The following MGMT variants were observed in gnomAD, a reference collection of about 807,000 sequenced individuals.
The protein encoded by MGMT is methylated-DNA--protein-cysteine methyltransferase.
Under a neutral mutation model 15.9 loss-of-function variants are expected in MGMT, and 14 were observed. That is an observed-to-expected ratio of 0.88 (90% CI 0.58 to 1.37). The LOEUF (loss-of-function observed/expected upper bound fraction) is 1.37. Ranked by LOEUF, MGMT falls within the 40% of genes most tolerant of loss-of-function variation. MGMT has a pLI of 0.00. For synonymous variants in MGMT, 130 were observed against 118.2 expected (o/e 1.10, Z -0.65); for missense variants, 282 against 268.1 (o/e 1.05, Z -0.36).
intron 2 of MGMT, among the ~76,000 whole-genome samples, chr10:129,664,272 G>A (rs756889074): frequency 1.3e-5 from 2 of 152,186 alleles, no homozygotes. Flanking sequence ...GTACTCAATT[G>A]TAGGGGGAAA....
intron 1 of MGMT, among the ~76,000 whole-genome samples, chr10:129,515,441 A>C (rs1845728131): frequency 6.6e-6 from 1 of 152,184 alleles, no homozygotes; most frequent in East Asian, 1.9e-4. Context: ...CCTTGGGGTG[A>C]GGGTCCTGTC....
chr10:129,647,234 C>A (rs1476387324), intron 2 of MGMT, among the ~76,000 whole-genome samples: 2 of 152,132 alleles, frequency 1.3e-5, no homozygotes, highest in African/African-American at 4.8e-5. Flanking sequence ...ACCCGCCCAG[C>A]GTTACAGGCA....
chr10:129,473,710 A>C (rs964421890), intron 1 of MGMT, among the ~76,000 whole-genome samples: 2 of 152,220 alleles, frequency 1.3e-5, no homozygotes, highest in Non-Finnish European at 2.9e-5. Flanking sequence ...CAATGTGACC[A>C]AGTGTTGTCT....
chr10:129,507,607 G>A (rs546358506), intron 1 of MGMT, among the ~76,000 whole-genome samples: 4 of 152,338 alleles, frequency 2.6e-5, no homozygotes, highest in South Asian at 2.1e-4. Flanking sequence ...GGGGAGGAAC[G>A]TCCTGAGAGT....
At chr10:129,480,336 C>A (rs1031447841) in intron 1 of MGMT, among the ~76,000 whole-genome samples, 3 of 152,296 alleles carry the variant, frequency 2.0e-5, no homozygotes, top group African/African-American at 7.2e-5. Context: ...GCTCTGTGAA[C>A]TTTTTGCTCT....
chr10:129,607,065 G>A (rs1020150737), intron 2 of MGMT, among the ~76,000 whole-genome samples: 1 of 152,146 alleles, frequency 6.6e-6, no homozygotes, highest in African/African-American at 2.4e-5. Context: ...AGAGTTCTGA[G>A]TTGGCACCCT....
intron 3 of MGMT, among the ~76,000 whole-genome samples, chr10:129,715,194 TATTCAC>T (rs1206481046): frequency 1.3e-5 from 2 of 152,198 alleles, no homozygotes; most frequent in Admixed American, 6.5e-5. Context: ...TATGGGAAAA[TATTCAC>T]ATTAAAATAT....
intron 2 of MGMT, among the ~76,000 whole-genome samples, chr10:129,606,532 A>G (rs1246808127): frequency 6.6e-6 from 1 of 152,238 alleles, no homozygotes; most frequent in African/African-American, 2.4e-5. Context: ...AGTAATTTAC[A>G]TACTTTGAAT....
chr10:129,577,624 G>A (rs1470137783), intron 2 of MGMT, among the ~76,000 whole-genome samples: 90 of 152,180 alleles, frequency 5.9e-4, no homozygotes, highest in Admixed American at 5.8e-3. Context: ...ACATAGGCAT[G>A]GGCAAGGACT....
chr10:129,719,801 C>A (rs1848348151), intron 3 of MGMT, among the ~76,000 whole-genome samples: 1 of 152,184 alleles, frequency 6.6e-6, no homozygotes, highest in African/African-American at 2.4e-5. Flanking sequence ...AACACCCTTT[C>A]CGAGCCTCTG....
chr10:129,614,573 A>G (rs1847000985), intron 2 of MGMT, among the ~76,000 whole-genome samples: 1 of 152,212 alleles, frequency 6.6e-6, no homozygotes, highest in Admixed American at 6.5e-5. Context: ...CAGCCGTTTC[A>G]AGCTGCTCCG....
chr10:129,522,651 C>T (rs778844072), intron 1 of MGMT, among the ~76,000 whole-genome samples: 15 of 152,204 alleles, frequency 9.9e-5, no homozygotes, highest in Non-Finnish European at 2.1e-4. Context: ...TTTGTATTAA[C>T]CATGGCTTTC....
chr10:129,730,301 T>C (rs1248615283), intron 3 of MGMT, among the ~76,000 whole-genome samples: 2 of 152,164 alleles, frequency 1.3e-5, no homozygotes, highest in African/African-American at 4.8e-5. Context: ...CTGGCCCTAA[T>C]GACTCTGGGC....
chr10:129,766,545 G>A (rs12260308), intron 4 of MGMT, among the ~76,000 whole-genome samples: 18,452 of 152,164 alleles, frequency 0.12, 2,312 homozygotes, highest in African/African-American at 0.31. Context: ...GATGCCCCAC[G>A]TCACCTCAGG....
chr10:129,502,830 A>G (rs568331218), intron 1 of MGMT, among the ~76,000 whole-genome samples: 1 of 152,330 alleles, frequency 6.6e-6, no homozygotes, highest in East Asian at 1.9e-4. Flanking sequence ...AGGAATAGAA[A>G]ACAAGATGTC....
At chr10:129,490,992 C>G (rs1450850613) in intron 1 of MGMT, among the ~76,000 whole-genome samples, 1 of 152,128 alleles carries the variant, frequency 6.6e-6, no homozygotes, top group African/African-American at 2.4e-5. Context: ...AGCTTGGATG[C>G]TGTTGTATTT....
chr10:129,718,828 A>C (rs1848332292), intron 3 of MGMT, among the ~76,000 whole-genome samples: 1 of 149,300 alleles, frequency 6.7e-6, no homozygotes, highest in Non-Finnish European at 1.5e-5. Context: ...TCACCTTCCT[A>C]GGCTGTCTAG....
chr10:129,698,941 A>C (rs1848063995), intron 2 of MGMT, among the ~76,000 whole-genome samples: 1 of 152,220 alleles, frequency 6.6e-6, no homozygotes, highest in Non-Finnish European at 1.5e-5. Flanking sequence ...CTTAAGCCTC[A>C]TGGGCTTCTT....
intron 4 of MGMT, among the ~76,000 whole-genome samples, chr10:129,765,691 G>C (rs984984698): frequency 2.0e-5 from 3 of 152,172 alleles, no homozygotes; most frequent in Admixed American, 6.5e-5. Context: ...GACCATCTCA[G>C]AAGAGATCAG....
Sources: allele counts gnomAD v4.1 joint callset (sites outside exome capture counted in the v4.1 genomes callset), GRCh38; gene constraint gnomAD v4.1.1; transcripts MANE v1.5; gene names NCBI Gene and HGNC (gene_info 2026-07-23, HGNC 2026-07-21).